NDFIP2: variants seen among roughly 807,000 people sequenced by gnomAD.
The protein encoded by NDFIP2 is Nedd4 family interacting protein 2, also known as NEDD4 family-interacting protein 2.
NDFIP2 carries 19 observed loss-of-function variants against 36.0 expected under a neutral mutation model. The ratio of observed to expected loss-of-function variants is 0.53; its 90% confidence interval spans 0.37 to 0.77. The LOEUF (loss-of-function observed/expected upper bound fraction) is 0.77, where lower values mean the gene tolerates loss of function less well. Among genes scored for constraint, NDFIP2 ranks in the 30% least tolerant of loss-of-function variants. The pLI is 0.00. For missense variants in NDFIP2, 446 were observed against 435.8 expected (o/e 1.02, Z -0.21); for synonymous variants, 181 against 167.7 (o/e 1.08, Z -0.61).
At chr13:79,508,356 A>G (rs1317190119) in intron 1 of NDFIP2, among the ~76,000 whole-genome samples, 1 of 152,240 alleles carries the variant, frequency 6.6e-6, no homozygotes, top group African/African-American at 2.4e-5. Flanking sequence ...CGTGCAAGAA[A>G]GAAATCAGGG....
In NDFIP2 at chr13:79,551,129, A is replaced by T; in HGVS notation, c.*2+7A>T. ...ATTTCTTCTTATTGTAGAGGTAAGA[A>T]ATATTAATCTGTGAACTCTGCCTAT... On this transcript the variant is annotated splice_region_variant and intron_variant, in intron 7 of 7. Coordinates refer to ENST00000218652, the MANE Select transcript of NDFIP2 (RefSeq NM_019080.3). 6.5e-6 allele frequency: 10 copies of T among 1,545,126 alleles called. No homozygotes were observed. Among genetic ancestry groups the T allele is most frequent in the Non-Finnish European group, 8.8e-6 (10 of 1,131,226 alleles).
chr13:79,488,922 T>C (rs1424096872), intron 1 of NDFIP2, among the ~76,000 whole-genome samples: 1 of 152,216 alleles, frequency 6.6e-6, no homozygotes, highest in African/African-American at 2.4e-5. Flanking sequence ...TGCTAAATGC[T>C]TTGTACATAT....
rs1331627826 is a variant in NDFIP2 at position 79,552,771 on chromosome 13, A to G, written c.*258A>G. ...TATTTGCATATACTTGATAGAAACC[A>G]TAAAGTTGTAGCAGTTAAGTCCAGT... On this transcript the variant is annotated 3_prime_UTR_variant, in exon 8 of 8. Transcript: ENST00000218652. 1 of 151,968 alleles carries G rather than the reference A, an allele frequency of 6.6e-6. No individual in the cohort carries two copies. Among genetic ancestry groups the G allele is most frequent in the Non-Finnish European group, 1.5e-5 (1 of 67,524 alleles). 9.4% of individuals were successfully genotyped at this position (151,968 alleles called of 1,614,324 possible). A position where few individuals can be genotyped will look rare whatever the true frequency, so the allele number is the denominator to read the frequency against.
At chr13:79,550,873 A>G in intron 6 of NDFIP2, 144 bp from the exon 7 acceptor site, 2 of 513,754 alleles carry the variant, frequency 3.9e-6, no homozygotes, top group Admixed American at 3.1e-5. Context: ...CTTATAGTGT[A>G]AAATATATTA....
At chr13:79,542,198 A>G (rs976804921) in intron 4 of NDFIP2, among the ~76,000 whole-genome samples, 8 of 152,228 alleles carry the variant, frequency 5.3e-5, no homozygotes, top group African/African-American at 1.9e-4. Flanking sequence ...TCCTGTTTAG[A>G]AAACTTTTCT....
Position 79,554,863 on chromosome 13 carries a change from A to G in NDFIP2, c.*2350A>G, listed in dbSNP as rs1004581131. ...TACAAAAAAATTTCAAATTATTTCT[A>G]TTGTAAATGAATAAGCTAGTCATGG... On this transcript the variant is annotated 3_prime_UTR_variant, in exon 8 of 8. Coordinates refer to ENST00000218652, the MANE Select transcript of NDFIP2 (RefSeq NM_019080.3). 2.6e-5 allele frequency: 4 copies of G among 151,958 alleles called. No homozygotes were observed. Among genetic ancestry groups the G allele is most frequent in the African/African-American group, 4.8e-5 (2 of 41,432 alleles). The allele number at this position is 151,958 out of a possible 1,614,324, so 9.4% of individuals were successfully genotyped here. A position where few individuals can be genotyped will look rare whatever the true frequency, so the allele number is the denominator to read the frequency against.
intron 1 of NDFIP2, among the ~76,000 whole-genome samples, chr13:79,507,890 A>G (rs1427684557): frequency 6.6e-6 from 1 of 151,738 alleles, no homozygotes; most frequent in Non-Finnish European, 1.5e-5. Flanking sequence ...TCATCTCTTA[A>G]TCCCTTTAAC....
chr13:79,529,322 A>G (rs949382952), intron 2 of NDFIP2, among the ~76,000 whole-genome samples: 2 of 152,272 alleles, frequency 1.3e-5, no homozygotes, highest in South Asian at 2.1e-4. Flanking sequence ...ACTTTCATGT[A>G]TTAGTGGTAG....
chr13:79,516,063 A>T (rs1166996747), intron 1 of NDFIP2, among the ~76,000 whole-genome samples: 1 of 152,098 alleles, frequency 6.6e-6, no homozygotes, highest in East Asian at 1.9e-4. Context: ...AAATTGGAAC[A>T]TGATGAATTG....
chr13:79,515,225 T>A (rs1594849140), intron 1 of NDFIP2, among the ~76,000 whole-genome samples: 2 of 152,344 alleles, frequency 1.3e-5, no homozygotes, highest in Middle Eastern at 6.8e-3. Flanking sequence ...GATATAATCT[T>A]ATGAGGCCAC....
At chr13:79,488,399 T>C (rs568742912) in intron 1 of NDFIP2, among the ~76,000 whole-genome samples, 1 of 152,274 alleles carries the variant, frequency 6.6e-6, no homozygotes, top group Admixed American at 6.5e-5. Context: ...AAAAAAAAAT[T>C]ATACAAATGA....
chr13:79,494,412 A>T (rs942579357), intron 1 of NDFIP2, among the ~76,000 whole-genome samples: 3 of 152,118 alleles, frequency 2.0e-5, no homozygotes, highest in African/African-American at 7.2e-5. Context: ...AACTTTAAAA[A>T]TATTTCATGG....
chr13:79,515,227 T>C (rs1874241766), intron 1 of NDFIP2, among the ~76,000 whole-genome samples: 1 of 138,206 alleles, frequency 7.2e-6, no homozygotes, highest in Admixed American at 6.9e-5. Context: ...TATAATCTTA[T>C]GAGGCCACTA....
chr13:79,497,672 T>C (rs1219745626), intron 1 of NDFIP2, among the ~76,000 whole-genome samples: 1 of 149,078 alleles, frequency 6.7e-6, no homozygotes, highest in Admixed American at 6.7e-5. Flanking sequence ...TTTTTTTTTT[T>C]TTTTTCTATT....
chr13:79,497,718 G>GT (rs1873492176), intron 1 of NDFIP2, among the ~76,000 whole-genome samples: 1 of 86,008 alleles, frequency 1.2e-5, no homozygotes, highest in African/African-American at 4.3e-5. Context: ...TTTTTGTTTT[G>GT]TTTTTCTTTC....
Position 79,553,025 on chromosome 13 carries a change from G to A in NDFIP2, c.*512G>A, listed in dbSNP as rs41288270. On this transcript the variant is annotated 3_prime_UTR_variant, in exon 8 of 8. Transcript: ENST00000218652. ...TTGAAACCTGCAGTGCTGATTATTAGAAAGGATTTGTCAGATTTTTGAACA... is the reference window on the plus strand; with the variant it reads ...TTGAAACCTGCAGTGCTGATTATTAAAAAGGATTTGTCAGATTTTTGAACA... 6.6e-6 allele frequency: 1 copy of A among 151,896 alleles called. No homozygotes were observed. Among genetic ancestry groups the A allele is most frequent in the Non-Finnish European group, 1.5e-5 (1 of 67,450 alleles). The allele number at this position is 151,896 out of a possible 1,614,324, so 9.4% of individuals were successfully genotyped here.
At chr13:79,534,849 G>A (rs908385549) in intron 3 of NDFIP2, among the ~76,000 whole-genome samples, 9 of 152,086 alleles carry the variant, frequency 5.9e-5, no homozygotes, top group African/African-American at 2.2e-4. Flanking sequence ...GTGTTTCTTT[G>A]ATCAGCAATA....
At chr13:79,515,941 G>C (rs73551592) in intron 1 of NDFIP2, among the ~76,000 whole-genome samples, 5,919 of 148,296 alleles carry the variant, frequency 0.04, 445 homozygotes, top group African/African-American at 0.14. Context: ...TTTTTTGGGT[G>C]GGGGGCAGGG....
chr13:79,490,136 C>T (rs558037590), intron 1 of NDFIP2, among the ~76,000 whole-genome samples: 1 of 152,076 alleles, frequency 6.6e-6, no homozygotes. Context: ...CCTTGCCTTT[C>T]CCTAGTTGTA....
Sources: allele counts gnomAD v4.1 joint callset (sites outside exome capture counted in the v4.1 genomes callset), GRCh38; gene constraint gnomAD v4.1.1; transcripts MANE v1.5; gene names NCBI Gene and HGNC (gene_info 2026-07-23, HGNC 2026-07-21).